Variants in TTC19 observed in about 807,000 individuals in gnomAD.
The protein encoded by TTC19 is tetratricopeptide repeat domain 19, also known as tetratricopeptide repeat protein 19, mitochondrial.
A neutral mutation model predicts 49.5 loss-of-function variants in TTC19; 38 were observed. The ratio of observed to expected loss-of-function variants is 0.77; its 90% CI spans 0.59 to 1.01. The LOEUF (loss-of-function observed/expected upper bound fraction) is 1.01. TTC19 is among the 50% of genes least tolerant of loss of function. The pLI, the probability that TTC19 is intolerant of heterozygous loss-of-function variation, is 0.00. For missense variants in TTC19, 475 were observed against 477.7 expected (o/e 0.99, Z 0.05); for synonymous variants, 204 against 185.2 (o/e 1.10, Z -0.83).
chr17:16,040,668 G>A, intron 2 of TTC19: 2 of 651,728 alleles, frequency 3.1e-6, no homozygotes. Context: ...TTTGAGACAG[G>A]GTCTCACTCT....
intron 2 of TTC19, among the ~76,000 whole-genome samples, chr17:16,037,460 C>T (rs905304638): frequency 2.0e-5 from 3 of 151,884 alleles, no homozygotes; most frequent in African/African-American, 7.3e-5. Context: ...TAAAAGAAAG[C>T]CAGGATTTCA....
rs531292443 is a variant in TTC19 at position 16,038,761 on chromosome 17, T to TTG, written c.248-5734_248-5733dup. Among the ~76,000 whole-genome samples the TTG allele has an allele frequency of 5.6e-3, 859 of 152,062 alleles. 6 individuals are homozygous for TTG. Among genetic ancestry groups the TTG allele is most frequent in the African/African-American group, 0.019 (778 of 41,422 alleles). Reference sequence around the variant, plus strand: ...TATGGCTTACGATTATTTTATTTTATTGTGTGTGTCTGTGTATGTATGTAT... The same window carrying TTG: ...TATGGCTTACGATTATTTTATTTTATTGTGTGTGTGTCTGTGTATGTATGTAT... On this transcript the variant is annotated intron_variant, in intron 2 of 2. Transcript: ENST00000470649.
chr17:16,015,962 T>TCATTCAAAGAGCCAAC (rs1971201687), intron 7 of TTC19, among the ~76,000 whole-genome samples: 1 of 152,300 alleles, frequency 6.6e-6, no homozygotes, highest in South Asian at 2.1e-4. Context: ...TTTTGTTTAT[T>TCATTCAAAGAGCCAAC]CATTCAAAGA....
Position 16,040,546 on chromosome 17 carries a change from CAAACT to C in TTC19, c.248-3953_248-3949del, listed in dbSNP as rs779871417. 4 of 1,474,682 alleles carry C rather than the reference CAAACT, an allele frequency of 2.7e-6. No homozygotes were observed. In the South Asian group the frequency reaches 3.6e-5, roughly 13 times the overall value. The allele number at this position is 1,474,682 out of a possible 1,614,324, so 91.3% of individuals were successfully genotyped here. On this transcript the variant is annotated intron_variant, in intron 2 of 2. Transcript: ENST00000470649. ...ATTAAGATGTGATAATCATATATAC[CAAACT>C]AAAGTCTCAAAAAATTCCTATAATA... is the stretch of plus-strand genomic sequence containing the variant.
chr17:16,031,803 C>T (rs558425966), downstream of TTC19: 2 of 231,378 alleles, frequency 8.6e-6, no homozygotes, highest in South Asian at 1.8e-4. Context: ...TGACAGCCAA[C>T]ATTATGTAAC....
At chr17:16,011,175 CTT>C (rs931658918) in intron 7 of TTC19, among the ~76,000 whole-genome samples, 1 of 151,986 alleles carries the variant, frequency 6.6e-6, no homozygotes, top group East Asian at 1.9e-4. Flanking sequence ...TCTTCATCTT[CTT>C]TTTTTTGTTT....
At chr17:16,041,404 C>CTTTTTTTTTTTTTTT (rs3031059) in intron 2 of TTC19, 1 of 103,790 alleles carries the variant, frequency 9.6e-6, no homozygotes, top group African/African-American at 3.7e-5. Context: ...TGTGAAAGTT[C>CTTTTTTTTTTTTTTT]TTTTTTTTTT....
At chr17:16,009,563 T>C (rs1971007723) in intron 7 of TTC19, among the ~76,000 whole-genome samples, 1 of 152,186 alleles carries the variant, frequency 6.6e-6, no homozygotes. Context: ...TTATAAATAT[T>C]ATTTTTACAT....
intron 2 of TTC19, chr17:16,040,520 A>C (rs2152015331): frequency 6.2e-7 from 1 of 1,603,448 alleles, no homozygotes; most frequent in East Asian, 2.2e-5. Context: ...CATTCAAGTT[A>C]ATTAAGATGT....
At chr17:16,011,032 T>C (rs1168045572) in intron 7 of TTC19, among the ~76,000 whole-genome samples, 1 of 152,232 alleles carries the variant, frequency 6.6e-6, no homozygotes, top group Non-Finnish European at 1.5e-5. Flanking sequence ...TTTTTGTGGC[T>C]CCGTTTGTTA....
chr17:16,024,723 T>C, intron 7 of TTC19: 1 of 407,500 alleles, frequency 2.5e-6, no homozygotes, highest in South Asian at 2.3e-5. Flanking sequence ...GGCCTTGACT[T>C]TTTGTTGTTA....
chr17:16,004,236 G>A lies in TTC19; in HGVS notation c.555G>A (p.Leu185=), dbSNP rs1370147023. 1 of 1,614,090 alleles carries A rather than the reference G, an allele frequency of 6.2e-7. No homozygotes were observed. The highest frequency in any genetic ancestry group is 8.5e-7 in the Non-Finnish European group (1 of 1,180,036). Residue 185 remains leucine, a synonymous_variant, in exon 6 of 10, where the codon CTG becomes CTA. Coordinates refer to ENST00000261647, the MANE Select transcript of TTC19 (RefSeq NM_017775.4). Reference sequence around the variant, plus strand: ...CAATAATTGAAATTTCCCTAAAGCTGGCCAGTATCTATGCTGCGCAGAACA... The same window carrying A: ...CAATAATTGAAATTTCCCTAAAGCTAGCCAGTATCTATGCTGCGCAGAACA... ...DNAIIEISLK[L]ASIYAAQNRQ...
At chr17:16,019,362 C>T (rs1274428840) in intron 7 of TTC19, among the ~76,000 whole-genome samples, 1 of 152,102 alleles carries the variant, frequency 6.6e-6, no homozygotes, top group African/African-American at 2.4e-5. Flanking sequence ...TACAATAGGG[C>T]TAATATGTTT....
In TTC19 at chr17:16,028,818, CAAAAAAAAAAAA is replaced by C. The variant is rs59177775; in HGVS notation, c.*1313_*1324del. On this transcript the variant is annotated 3_prime_UTR_variant, in exon 10 of 10. Transcript: ENST00000261647. ...GTATCCCAGTAATCTTTGCATTTCT[CAAAAAAAAAAAA>C]AAAAAAAAAAAAAAAACTTTCTGAA... The C allele has an allele frequency of 5.9e-4, 58 of 98,962 alleles. 1 individual carries two copies. The highest frequency in any genetic ancestry group is 2.1e-3 in the East Asian group (7 of 3,358). 6.1% of individuals were successfully genotyped at this position (98,962 alleles called of 1,614,324 possible). A position where few individuals can be genotyped will look rare whatever the true frequency, so the allele number is the denominator to read the frequency against.
intron 7 of TTC19, among the ~76,000 whole-genome samples, chr17:16,010,974 T>G (rs1430953010): frequency 6.6e-6 from 1 of 152,254 alleles, no homozygotes; most frequent in African/African-American, 2.4e-5. Flanking sequence ...ATTACACAGT[T>G]ACATTTCCTT....
chr17:16,018,232 G>A (rs1971271986), intron 7 of TTC19, among the ~76,000 whole-genome samples: 1 of 145,488 alleles, frequency 6.9e-6, no homozygotes, highest in African/African-American at 2.5e-5. Flanking sequence ...GGAGTTGTCT[G>A]TTTATGAAGC....
In TTC19 at chr17:16,014,404, C is replaced by T. The variant is rs8070719; in HGVS notation, c.676+7836C>T. On this transcript the variant is annotated intron_variant, in intron 7 of 9. Transcript: ENST00000261647. Reference sequence around the variant, plus strand: ...AAAGGAAGATCTTTGTAATAGTGAGCCGTCTCACTGAGGAACATTCTATAG... The same window carrying T: ...AAAGGAAGATCTTTGTAATAGTGAGTCGTCTCACTGAGGAACATTCTATAG... Among the ~76,000 whole-genome samples, 216 of 152,210 alleles carry T rather than the reference C, an allele frequency of 1.4e-3. 2 individuals are homozygous for T. The highest frequency in any genetic ancestry group is 1.7e-3 in the East Asian group (9 of 5,186).
intron 2 of TTC19, chr17:16,039,401 G>C (rs1340111856): frequency 6.3e-7 from 1 of 1,596,114 alleles, no homozygotes. Flanking sequence ...TTGGGGAAAA[G>C]CAGCAGAAAA....
At chr17:16,018,210 G>A (rs1971271289) in intron 7 of TTC19, among the ~76,000 whole-genome samples, 1 of 152,008 alleles carries the variant, frequency 6.6e-6, no homozygotes, top group Non-Finnish European at 1.5e-5. Context: ...AGTTAAATGA[G>A]CATAAGGTTA....
Sources: allele counts gnomAD v4.1 joint callset (sites outside exome capture counted in the v4.1 genomes callset), GRCh38; gene constraint gnomAD v4.1.1; transcripts MANE v1.5; gene names NCBI Gene and HGNC (gene_info 2026-07-23, HGNC 2026-07-21).